AKAP13: variants seen among roughly 807,000 people sequenced by gnomAD.
AKAP13 encodes A-kinase anchor protein 13.
In AKAP13, 80 loss-of-function variants were observed where a neutral mutation model predicts 264.5. The ratio of observed to expected loss-of-function variants is 0.30; its 90% CI spans 0.25 to 0.36. The LOEUF (loss-of-function observed/expected upper bound fraction) is 0.36, where lower values mean the gene tolerates loss of function less well. Among genes scored for constraint, AKAP13 ranks in the 10% least tolerant of loss-of-function variants. The pLI, the probability that AKAP13 is intolerant of heterozygous loss-of-function variation, is 1.00. For missense variants in AKAP13, 3,712 were observed against 3,435.2 expected, an observed-to-expected ratio of 1.08 and a Z score of -2.01; for synonymous variants, 1,380 against 1,250.2, an observed-to-expected ratio of 1.10 and a Z score of -2.19.
chr15:85,471,385 C>G (rs1426959510), intron 1 of AKAP13, among the ~76,000 whole-genome samples: 1 of 152,126 alleles, frequency 6.6e-6, no homozygotes, highest in African/African-American at 2.4e-5. Context: ...GTCCCAGCTA[C>G]TCCGGAGGCT....
chr15:85,537,549 A>T (rs1413936199), intron 4 of AKAP13, among the ~76,000 whole-genome samples: 3 of 152,236 alleles, frequency 2.0e-5, no homozygotes, highest in African/African-American at 7.2e-5. Context: ...AAAAATGTTT[A>T]TAGGTGCCTA....
intron 2 of AKAP13, among the ~76,000 whole-genome samples, chr15:85,494,818 G>T (rs1312693497): frequency 6.6e-6 from 1 of 152,108 alleles, no homozygotes; most frequent in African/African-American, 2.4e-5. Flanking sequence ...CAAAGTACAT[G>T]CGCAGAGAAG....
intron 1 of AKAP13, among the ~76,000 whole-genome samples, chr15:85,459,762 G>C (rs935186530): frequency 6.6e-6 from 1 of 152,160 alleles, no homozygotes; most frequent in Non-Finnish European, 1.5e-5. Flanking sequence ...GCCTCCCAAA[G>C]TGCTGGGATT....
intron 5 of AKAP13, among the ~76,000 whole-genome samples, chr15:85,558,552 C>CT (rs1261666738): frequency 6.6e-6 from 1 of 152,092 alleles, no homozygotes; most frequent in African/African-American, 2.4e-5. Context: ...AAAAATGTGT[C>CT]TTTTTTCCTG....
chr15:85,386,691 G>C (rs562564190), intron 1 of AKAP13, among the ~76,000 whole-genome samples: 36 of 151,198 alleles, frequency 2.4e-4, no homozygotes, highest in African/African-American at 8.2e-4. Flanking sequence ...TTATTTTTTT[G>C]TGGATGGATT....
chr15:85,466,553 G>A (rs1312462529), intron 1 of AKAP13, among the ~76,000 whole-genome samples: 2 of 152,168 alleles, frequency 1.3e-5, no homozygotes, highest in Non-Finnish European at 2.9e-5. Flanking sequence ...AAGGGATCCA[G>A]TTTCAGCTTT....
At chr15:85,454,916 G>A (rs376390633) in intron 1 of AKAP13, among the ~76,000 whole-genome samples, 11 of 152,208 alleles carry the variant, frequency 7.2e-5, no homozygotes, top group African/African-American at 1.7e-4. Flanking sequence ...TCGATCTGTC[G>A]TCTTACTGAC....
chr15:85,566,340 C>T (rs8033427), intron 5 of AKAP13, among the ~76,000 whole-genome samples: 46,602 of 152,076 alleles, frequency 0.31, 7,505 homozygotes, highest in African/African-American at 0.39. Context: ...AGATGCCACA[C>T]ATATAAGGGT....
intron 1 of AKAP13, among the ~76,000 whole-genome samples, chr15:85,412,302 A>G (rs531623050): frequency 6.6e-6 from 1 of 152,230 alleles, no homozygotes; most frequent in Non-Finnish European, 1.5e-5. Flanking sequence ...AAGACTATTA[A>G]AATACTACTC....
intron 2 of AKAP13, among the ~76,000 whole-genome samples, chr15:85,487,445 G>A (rs904456867): frequency 6.6e-6 from 1 of 152,160 alleles, no homozygotes; most frequent in Non-Finnish European, 1.5e-5. Flanking sequence ...TCTATTCCTA[G>A]TTTGACTATT....
chr15:85,673,379 G>A (rs1041311939), intron 14 of AKAP13, among the ~76,000 whole-genome samples: 9 of 152,108 alleles, frequency 5.9e-5, no homozygotes, highest in African/African-American at 2.2e-4. Flanking sequence ...TGATTCGAAG[G>A]GTGGGATATG....
intron 1 of AKAP13, among the ~76,000 whole-genome samples, chr15:85,416,662 A>G (rs1363566746): frequency 6.6e-6 from 1 of 152,208 alleles, no homozygotes. Flanking sequence ...GTATTGAATC[A>G]CATCTATTAT....
chr15:85,409,392 G>A (rs1011035887), intron 1 of AKAP13, among the ~76,000 whole-genome samples: 1 of 151,592 alleles, frequency 6.6e-6, no homozygotes, highest in East Asian at 1.9e-4. Context: ...TGTCTAGGCT[G>A]GTCTCGAACT....
chr15:85,546,354 A>ACACACACG (rs1347644825), intron 5 of AKAP13, among the ~76,000 whole-genome samples: 1 of 151,880 alleles, frequency 6.6e-6, no homozygotes, highest in African/African-American at 2.4e-5. Flanking sequence ...ACACACACAC[A>ACACACACG]CACACAGCCA....
At chr15:85,700,702 A>G (rs1216766568) in intron 17 of AKAP13, among the ~76,000 whole-genome samples, 1 of 152,224 alleles carries the variant, frequency 6.6e-6, no homozygotes, top group East Asian at 1.9e-4. Context: ...TAAAGGTATA[A>G]TTCCCAAATT....
At position 85,655,399 on chromosome 15, in the gene AKAP13, G is replaced by T; in HGVS notation, c.4375-18G>T. The T allele has an allele frequency of 6.2e-7, 1 of 1,606,106 alleles. No homozygotes were observed. On this transcript the variant is annotated intron_variant, in intron 10 of 36. Transcript: ENST00000394518. Reference sequence around the variant, plus strand: ...GGCCCTGCTGGCTTCAACCATATGTGCTTTCTCTCCATTACAGCCAGAGGA... The same window carrying T: ...GGCCCTGCTGGCTTCAACCATATGTTCTTTCTCTCCATTACAGCCAGAGGA...
chr15:85,484,634 T>G (rs1431523314), intron 1 of AKAP13, among the ~76,000 whole-genome samples: 1 of 152,224 alleles, frequency 6.6e-6, no homozygotes, highest in Non-Finnish European at 1.5e-5. Flanking sequence ...GTTAACTGCC[T>G]TTTGGTGAAG....
Position 85,650,629 on chromosome 15 carries a change from G to A in AKAP13, c.4374+4675G>A, listed in dbSNP as rs1408803302. ...AAATTAGCTGGGCGTGGTGGCAGGC[G>A]CCTGTAATCCCAGCTACTCAGGAGG... On this transcript the variant is annotated intron_variant, in intron 10 of 36. Transcript: ENST00000394518. 4.0e-5 allele frequency among the ~76,000 whole-genome samples: 6 copies of A among 150,636 alleles called. No individual in the cohort carries two copies. The East Asian group carries it at 9.7e-4, about 24-fold the overall frequency.
chr15:85,582,391 C>A (rs905520579), intron 7 of AKAP13, among the ~76,000 whole-genome samples: 15 of 152,110 alleles, frequency 9.9e-5, no homozygotes, highest in Non-Finnish European at 1.5e-4. Flanking sequence ...GAAAACAATG[C>A]CTAGATCACA....
Sources: allele counts gnomAD v4.1 joint callset (sites outside exome capture counted in the v4.1 genomes callset), GRCh38; gene constraint gnomAD v4.1.1; transcripts MANE v1.5; gene names NCBI Gene and HGNC (gene_info 2026-07-23, HGNC 2026-07-21).